DPP4: variants seen among roughly 807,000 people sequenced by gnomAD.
DPP4 encodes dipeptidyl peptidase 4.
In DPP4, 93 loss-of-function variants were observed where a neutral mutation model predicts 122.4. The ratio of observed to expected loss-of-function variants is 0.76; its 90% confidence interval spans 0.64 to 0.90. DPP4 has a LOEUF of 0.90. Ranked by LOEUF, DPP4 falls within the 40% of genes least tolerant of loss-of-function variation. DPP4 has a pLI of 0.00. For synonymous variants in DPP4, 321 were observed against 302.9 expected, an observed-to-expected ratio of 1.06 and a Z score of -0.62; for missense variants, 914 against 907.3, an observed-to-expected ratio of 1.01 and a Z score of -0.09.
chr2:162,033,280 C>T (rs1683625858), intron 10 of DPP4, among the ~76,000 whole-genome samples: 1 of 152,118 alleles, frequency 6.6e-6, no homozygotes, highest in South Asian at 2.1e-4. Flanking sequence ...TGGTTATTGT[C>T]TGTCTCCCCC....
intron 2 of DPP4, among the ~76,000 whole-genome samples, chr2:162,062,888 C>T (rs981033846): frequency 6.6e-6 from 1 of 151,938 alleles, no homozygotes; most frequent in African/African-American, 2.4e-5. Context: ...GAGATTAGTA[C>T]ACAGGAGCGG....
chr2:162,064,405 T>G (rs1268983510), intron 2 of DPP4, among the ~76,000 whole-genome samples: 6 of 152,248 alleles, frequency 3.9e-5, no homozygotes, highest in Non-Finnish European at 8.8e-5. Context: ...AGATTTTTTT[T>G]GCCCATGTTA....
chr2:162,055,099 C>G (rs774450815), intron 2 of DPP4, among the ~76,000 whole-genome samples: 1 of 152,152 alleles, frequency 6.6e-6, no homozygotes, highest in Non-Finnish European at 1.5e-5. Context: ...AGTTTCACTA[C>G]GTTCATAATG....
At chr2:162,073,346 G>A in intron 2 of DPP4, 53 bp downstream of exon 2, 3 of 1,584,018 alleles carry the variant, frequency 1.9e-6, no homozygotes, top group South Asian at 2.2e-5. Context: ...TGGTAAGACG[G>A]AGCCTGACCT....
rs546620732 is a variant in DPP4 at position 162,073,608 on chromosome 2, A to G, written c.7-122T>C. The G allele has an allele frequency of 5.8e-6, 5 of 857,076 alleles. No individual in the cohort carries two copies. In the Admixed American group the frequency reaches 8.7e-5, roughly 15 times the overall value. 53.1% of individuals were successfully genotyped at this position (857,076 alleles called of 1,614,324 possible). On this transcript the variant is annotated intron_variant, in intron 1 of 25. Coordinates refer to ENST00000360534, the MANE Select transcript of DPP4 (RefSeq NM_001935.4). ...GGTGGGAGTGCGTTAGAAGAGGGAG[A>G]CCGCGGGCTGGGGGTGGGGGTGGCG...
At chr2:162,009,912 T>G (rs971069347) in intron 20 of DPP4, among the ~76,000 whole-genome samples, 6 of 152,128 alleles carry the variant, frequency 3.9e-5, no homozygotes, top group Non-Finnish European at 8.8e-5. Context: ...GGAATCCAGG[T>G]AAAGAAATAA....
At chr2:162,025,914 C>G (rs1367536057) in intron 10 of DPP4, among the ~76,000 whole-genome samples, 2 of 152,146 alleles carry the variant, frequency 1.3e-5, no homozygotes, top group East Asian at 3.9e-4. Flanking sequence ...CTCTCCTTCA[C>G]AGGCTGGACC....
chr2:162,024,169 C>T (rs1683234122), intron 11 of DPP4, among the ~76,000 whole-genome samples: 1 of 152,194 alleles, frequency 6.6e-6, no homozygotes, highest in South Asian at 2.1e-4. Context: ...AAACCTCTTC[C>T]AGGATCCACC....
intron 23 of DPP4, among the ~76,000 whole-genome samples, chr2:162,004,071 G>C (rs1405300279): frequency 1.3e-5 from 2 of 152,240 alleles, no homozygotes; most frequent in African/African-American, 4.8e-5. Flanking sequence ...AGGCACAAAA[G>C]GGAAAGCCAC....
chr2:162,014,535 C>T (rs1281704650), intron 18 of DPP4, 70 bp from the exon 19 acceptor site: 7 of 1,110,782 alleles, frequency 6.3e-6, no homozygotes, highest in Admixed American at 2.2e-5. Flanking sequence ...TCCTCATGTC[C>T]GTCAGTAGCA....
chr2:162,018,851 C>T lies in DPP4; in HGVS notation c.1299-1G>A. The T allele has an allele frequency of 6.2e-7, 1 of 1,613,490 alleles. No individual in the cohort carries two copies. On this transcript the variant is annotated splice_acceptor_variant, in intron 15 of 25. Transcript: ENST00000360534. LOFTEE classifies it high-confidence loss of function. ...TTTTGTATAGTCACTAAGTTGGATT[C>T]TGTAAAACCAACGGTGGAAATTAAG... is the stretch of plus-strand genomic sequence containing the variant.
Position 162,046,915 on chromosome 2 carries a change from A to C in DPP4, c.285T>G (p.Phe95Leu). 3 of 1,559,470 alleles carry C rather than the reference A, an allele frequency of 1.9e-6. No individual in the cohort carries two copies. Among genetic ancestry groups the C allele is most frequent in the Non-Finnish European group, 2.7e-6 (3 of 1,130,520 alleles). The change falls in exon 4 of 26, where the codon TTT becomes TTG. Residue 95 changes from phenylalanine (F) to leucine (L), a missense_variant and splice_region_variant. Phe to Leu is a conservative substitution (Grantham distance 22, BLOSUM62 0). Transcript: ENST00000360534. ...GAATTAATTACGTGATTAAACATAC[A>C]AATGTACTGTTCTCCAAGAAAACTG... The part of the protein sequence containing the change: ...NSSVFLENST[F>L]DEFGHSINDY...
intron 10 of DPP4, among the ~76,000 whole-genome samples, chr2:162,030,987 C>T (rs991014807): frequency 6.6e-6 from 1 of 152,186 alleles, no homozygotes; most frequent in Non-Finnish European, 1.5e-5. Context: ...ACAGCTGTGC[C>T]TTGGAAACGG....
At chr2:162,009,352 G>C in intron 20 of DPP4, 57 bp from the exon 21 acceptor site, 1 of 1,500,698 alleles carries the variant, frequency 6.7e-7, no homozygotes, top group Non-Finnish European at 9.3e-7. Context: ...AGAAAACTTA[G>C]ATGAGGCACA....
intron 11 of DPP4, 38 bp downstream of exon 11, chr2:162,024,766 T>C: frequency 6.9e-6 from 11 of 1,605,356 alleles, no homozygotes; most frequent in Non-Finnish European, 9.3e-6. Flanking sequence ...TCTGATCACA[T>C]GTTGCTCTAG....
Position 161,993,377 on chromosome 2 carries a change from G to C in DPP4, c.2207C>G (p.Thr736Ser), listed in dbSNP as rs1700912038. 1.2e-6 allele frequency: 2 copies of C among 1,609,124 alleles called. No homozygotes were observed. Among genetic ancestry groups the C allele is most frequent in the Non-Finnish European group, 1.7e-6 (2 of 1,175,888 alleles). Residue 736 changes from threonine (T) to serine (S), a missense_variant, in exon 26 of 26, where the codon ACT becomes AGT. Coordinates refer to ENST00000360534, the MANE Select transcript of DPP4 (RefSeq NM_001935.4). ...GCTAGCTATTCCATGGTCTTCATCA[G>C]TATACCACTAGAGAGAGAAAGAAAA... ...VGVDFQAMWY[T>S]DEDHGIASST...
intron 10 of DPP4, among the ~76,000 whole-genome samples, chr2:162,030,251 T>C (rs186570879): frequency 6.6e-6 from 1 of 152,340 alleles, no homozygotes; most frequent in East Asian, 1.9e-4. Context: ...ACTTTAGCAC[T>C]AAATCAATGC....
At chr2:162,003,230 T>A (rs1168220546) in intron 23 of DPP4, among the ~76,000 whole-genome samples, 1 of 152,072 alleles carries the variant, frequency 6.6e-6, no homozygotes, top group Non-Finnish European at 1.5e-5. Context: ...GTGACTTCTA[T>A]TTACATGACT....
intron 19 of DPP4, among the ~76,000 whole-genome samples, chr2:162,012,676 G>T (rs796937046): frequency 2.6e-5 from 4 of 152,124 alleles, no homozygotes; most frequent in African/African-American, 4.8e-5. Flanking sequence ...CACAATCTCT[G>T]TAAAGCTCTG....
Sources: gnomAD v4.1 joint callset for allele counts (sites outside exome capture counted in the v4.1 genomes callset) on GRCh38, gnomAD v4.1.1 for gene constraint, MANE v1.5 for transcripts, NCBI Gene and HGNC (gene_info 2026-07-23, HGNC 2026-07-21) for gene names.